MYO1H: variants seen among roughly 807,000 people sequenced by gnomAD.
The protein encoded by MYO1H is myosin IH.
In MYO1H, 118 loss-of-function variants were observed where a neutral mutation model predicts 149.3. That is an observed-to-expected ratio of 0.79 (90% CI 0.68 to 0.92). MYO1H has a LOEUF of 0.92. MYO1H is among the 40% of genes least tolerant of loss of function. The probability of loss-of-function intolerance (pLI) is 0.00; values close to 1 mark genes in which losing one functional copy is unlikely to be tolerated. For synonymous variants in MYO1H, 447 were observed against 465.2 expected, an observed-to-expected ratio of 0.96 and a Z score of 0.50; for missense variants, 1,212 against 1,280.7, an observed-to-expected ratio of 0.95 and a Z score of 0.82.
chr12:109,346,417 G>C (rs573070170), upstream of MYO1H, among the ~76,000 whole-genome samples: 3 of 152,142 alleles, frequency 2.0e-5, no homozygotes, highest in Admixed American at 1.3e-4. Flanking sequence ...AATGTTATAC[G>C]TGATTTATAT....
chr12:109,413,734 A>ACCCT (rs1870773944), intron 14 of MYO1H, among the ~76,000 whole-genome samples: 1 of 152,062 alleles, frequency 6.6e-6, no homozygotes, highest in African/African-American at 2.4e-5. Flanking sequence ...ACATGGTGAA[A>ACCCT]CCCTGTCTCT....
Position 109,424,845 on chromosome 12 carries a change from C to T in MYO1H, c.1725+17C>T. 6.2e-7 allele frequency: 1 copy of T among 1,608,920 alleles called. No individual in the cohort carries two copies. The highest frequency in any genetic ancestry group is 8.5e-7 in the Non-Finnish European group (1 of 1,175,672). On this transcript the variant is annotated intron_variant, in intron 17 of 31. Coordinates refer to ENST00000310903, the Ensembl canonical transcript of MYO1H. ...CCCCCAACAGTGAGTGGGAAAAACA[C>T]CCATGCAAAATTGGATCTCACCAGA...
chr12:109,406,106 C>G (rs1476458572), intron 8 of MYO1H, 71 bp downstream of exon 8: 7 of 1,095,060 alleles, frequency 6.4e-6, no homozygotes, highest in Non-Finnish European at 9.6e-6. Context: ...TAGCTGGGTG[C>G]CCACAGTTAG....
chr12:109,354,630 A>AAAAGAAAAG (rs1555247914), intron 1 of MYO1H, among the ~76,000 whole-genome samples: 74 of 134,038 alleles, frequency 5.5e-4, no homozygotes, highest in African/African-American at 1.7e-3. Context: ...AAAAAAAAAA[A>AAAAGAAAAG]AAAAGAAAAG....
At chr12:109,321,889 G>T in the MYO1H span, among the ~76,000 whole-genome samples, 2 of 152,104 alleles carry the variant, frequency 1.3e-5, no homozygotes, top group African/African-American at 4.8e-5. Context: ...TGCAGAACAC[G>T]ATGTAATTAC....
At chr12:109,327,091 C>T in the MYO1H span, among the ~76,000 whole-genome samples, 1 of 150,224 alleles carries the variant, frequency 6.7e-6, no homozygotes, top group Non-Finnish European at 1.5e-5. Context: ...GTCCCCAGCT[C>T]CTGTAGTTAT....
At chr12:109,440,513 T>G in intron 24 of MYO1H, 1 of 485,046 alleles carries the variant, frequency 2.1e-6, no homozygotes. Context: ...TTATAGCCAG[T>G]TCTGCAGGTG....
chr12:109,414,490 A>AAAAG (rs944599360), intron 14 of MYO1H, among the ~76,000 whole-genome samples: 4 of 150,540 alleles, frequency 2.7e-5, no homozygotes, highest in African/African-American at 9.9e-5. Flanking sequence ...AAAAAAAAAA[A>AAAAG]AAAGAAAGAA....
intron 31 of MYO1H, chr12:109,446,565 AC>A: frequency 1.9e-6 from 1 of 526,192 alleles, no homozygotes; most frequent in Non-Finnish European, 2.4e-6. Flanking sequence ...GGAGTTCGAG[AC>A]CAGTCTGGCC....
At chr12:109,358,314 C>G (rs1454009744) in intron 1 of MYO1H, among the ~76,000 whole-genome samples, 1 of 151,878 alleles carries the variant, frequency 6.6e-6, no homozygotes, top group Non-Finnish European at 1.5e-5. Context: ...GGTTTTTAAG[C>G]CTTAGACATA....
At chr12:109,379,620 T>A (rs953002326) in intron 1 of MYO1H, among the ~76,000 whole-genome samples, 2 of 151,816 alleles carry the variant, frequency 1.3e-5, no homozygotes, top group Non-Finnish European at 2.9e-5. Flanking sequence ...AAAGACAAGA[T>A]TGAAAAATAG....
chr12:109,425,860 T>A, intron 17 of MYO1H, 86 bp from the exon 18 acceptor site: 1 of 972,000 alleles, frequency 1.0e-6, no homozygotes, highest in Non-Finnish European at 1.6e-6. Flanking sequence ...GCTGACACCT[T>A]GAGCCCTGGC....
chr12:109,368,421 C>A (rs181922795), intron 1 of MYO1H, among the ~76,000 whole-genome samples: 1 of 151,946 alleles, frequency 6.6e-6, no homozygotes, highest in Admixed American at 6.6e-5. Context: ...TTTGGGAGGC[C>A]GAGGCAGGCG....
At chr12:109,347,043 A>G (rs2048104962), upstream of MYO1H, among the ~76,000 whole-genome samples, 1 of 152,148 alleles carries the variant, frequency 6.6e-6, no homozygotes, top group Non-Finnish European at 1.5e-5. Context: ...AGATACATGA[A>G]ATGGGATTAA....
chr12:109,319,437 G>T, the MYO1H span, among the ~76,000 whole-genome samples: 1 of 152,154 alleles, frequency 6.6e-6, no homozygotes, highest in Admixed American at 6.5e-5. Context: ...AAAAATGGGA[G>T]TGCTTGTTTA....
chr12:109,390,905 T>C (rs1461541037), intron 2 of MYO1H, among the ~76,000 whole-genome samples: 1 of 152,096 alleles, frequency 6.6e-6, no homozygotes, highest in Non-Finnish European at 1.5e-5. Context: ...TGACCTTGGG[T>C]GATCCACCTG....
intron 6 of MYO1H, 46 bp from the exon 7 acceptor site, chr12:109,403,936 G>A: frequency 7.8e-7 from 1 of 1,287,124 alleles, no homozygotes; most frequent in African/African-American, 1.5e-5. Flanking sequence ...ATGCTTAATT[G>A]CCCCTATAAA....
intron 6 of MYO1H, among the ~76,000 whole-genome samples, chr12:109,403,740 C>T (rs1403081507): frequency 6.6e-6 from 1 of 152,030 alleles, no homozygotes; most frequent in Non-Finnish European, 1.5e-5. Context: ...AAAGATACAC[C>T]ACTTACATGT....
rs559163307 is a variant in MYO1H, at chr12:109,406,016, A to C, written c.944A>C (p.Glu315Ala). 1.2e-5 allele frequency: 20 copies of C among 1,612,880 alleles called. 1 individual carries two copies. The East Asian group carries it at 4.5e-4, about 36-fold the overall frequency. The change falls in exon 8 of 32, where the codon GAG becomes GCG. Residue 315 changes from glutamate (E) to alanine (A), a missense_variant. Glu to Ala is a moderately radical substitution (Grantham distance 107, BLOSUM62 -1). Coordinates refer to ENST00000310903, the Ensembl canonical transcript of MYO1H. Reference sequence around the variant, plus strand: ...TGTGCCACTATCCCAGACACCCATGAGATCAAGTGGATAGCCAAGGTGATG... The same window carrying C: ...TGTGCCACTATCCCAGACACCCATGCGATCAAGTGGATAGCCAAGGTGATG...
Sources: allele counts gnomAD v4.1 joint callset (sites outside exome capture counted in the v4.1 genomes callset), GRCh38; gene constraint gnomAD v4.1.1; transcripts MANE v1.5; gene names NCBI Gene and HGNC (gene_info 2026-07-23, HGNC 2026-07-21).